The following MAP7 variants were observed in gnomAD, a reference collection of about 807,000 sequenced individuals.
The protein encoded by MAP7 is ensconsin.
A neutral mutation model predicts 94.8 loss-of-function variants in MAP7; 52 were observed. The observed-to-expected ratio is 0.55, with a 90% confidence interval of 0.44 to 0.69. MAP7 has a LOEUF of 0.69. Among genes scored for constraint, MAP7 ranks in the 30% least tolerant of loss-of-function variants. The probability of loss-of-function intolerance (pLI) is 0.00; values close to 1 mark genes in which losing one functional copy is unlikely to be tolerated. For missense variants in MAP7, 940 were observed against 964.6 expected (o/e 0.97, Z 0.34); for synonymous variants, 350 against 357.0 (o/e 0.98, Z 0.22).
intron 1 of MAP7, among the ~76,000 whole-genome samples, chr6:136,516,809 G>A (rs1824988493): frequency 6.6e-6 from 1 of 152,064 alleles, no homozygotes; most frequent in African/African-American, 2.4e-5. Context: ...AAATAAGCCT[G>A]CAAAAATAAG....
Position 136,377,843 on chromosome 6 carries a change from C to A in MAP7, c.663G>T (p.Trp221Cys). 1 of 1,613,988 alleles carries A rather than the reference C, an allele frequency of 6.2e-7. No homozygotes were observed. The highest frequency in any genetic ancestry group is 2.2e-5 in the East Asian group (1 of 44,868). The change falls in exon 7 of 18, where the codon TGG (tryptophan) becomes TGT (cysteine). Residue 221 changes from tryptophan (W) to cysteine (C), a missense_variant. By Grantham distance (215) the Trp-to-Cys change is radical (BLOSUM62 -2). Transcript: ENST00000354570. ...GGAGTCTGTTAACAACGCTGCTCTC[C>A]CATGGGCTGAGCTGCAGGCGGCGAG... The part of the protein sequence containing the change: ...DRARRLQLSP[W>C]ESSVVNRLLT...
chr6:136,436,843 G>C (rs1796502654), intron 1 of MAP7, among the ~76,000 whole-genome samples: 1 of 152,186 alleles, frequency 6.6e-6, no homozygotes, highest in Admixed American at 6.5e-5. Flanking sequence ...TCTTTCTATA[G>C]CTCACCAAAT....
intron 1 of MAP7, among the ~76,000 whole-genome samples, chr6:136,539,602 CA>C (rs1829149704): frequency 6.6e-6 from 1 of 152,134 alleles, no homozygotes; most frequent in South Asian, 2.1e-4. Context: ...ATCATGCTGC[CA>C]AAGGTAAGCC....
intron 1 of MAP7, among the ~76,000 whole-genome samples, chr6:136,493,474 A>G (rs2128994466): frequency 6.6e-6 from 1 of 152,130 alleles, no homozygotes; most frequent in East Asian, 1.9e-4. Context: ...CTGGAGTGCA[A>G]TGGCTTGAAC....
At chr6:136,488,743 G>A (rs1419380723) in intron 1 of MAP7, among the ~76,000 whole-genome samples, 3 of 151,844 alleles carry the variant, frequency 2.0e-5, no homozygotes, top group African/African-American at 7.3e-5. Flanking sequence ...ATGCCTGGCC[G>A]CTAGGTACTT....
At chr6:136,456,407 C>T (rs9494519) in intron 1 of MAP7, among the ~76,000 whole-genome samples, 112,580 of 151,932 alleles carry the variant, frequency 0.74, 42,967 homozygotes, top group Middle Eastern at 0.85. Flanking sequence ...CATGGTTGCT[C>T]ATGTCTGTAA....
chr6:136,415,300 C>T (rs1342515590), intron 2 of MAP7, among the ~76,000 whole-genome samples: 2 of 152,174 alleles, frequency 1.3e-5, no homozygotes, highest in African/African-American at 4.8e-5. Context: ...TTTGTAAAAG[C>T]CATATGAGCA....
intron 1 of MAP7, chr6:136,525,982 T>G: frequency 6.7e-7 from 1 of 1,491,310 alleles, no homozygotes; most frequent in Non-Finnish European, 8.8e-7. Context: ...CTACTTGTTT[T>G]TTTTTTTTTT....
chr6:136,473,225 C>T (rs1809642813), intron 1 of MAP7, among the ~76,000 whole-genome samples: 4 of 152,182 alleles, frequency 2.6e-5, no homozygotes, highest in Non-Finnish European at 5.9e-5. Context: ...ACCAAAAACA[C>T]ATTGATTAAC....
chr6:136,433,391 T>C (rs1382857309), intron 1 of MAP7, among the ~76,000 whole-genome samples: 2 of 152,100 alleles, frequency 1.3e-5, no homozygotes, highest in Non-Finnish European at 2.9e-5. Flanking sequence ...ATTTACCTTC[T>C]TCTGTCAGCA....
At chr6:136,431,478 T>A (rs6911334) in intron 1 of MAP7, among the ~76,000 whole-genome samples, 112,567 of 151,692 alleles carry the variant, frequency 0.74, 42,816 homozygotes, top group Middle Eastern at 0.85. Flanking sequence ...CCAATAAATA[T>A]CAACTTTTTA....
At chr6:136,473,567 A>G (rs1320604503) in intron 1 of MAP7, among the ~76,000 whole-genome samples, 1 of 152,230 alleles carries the variant, frequency 6.6e-6, no homozygotes, top group Non-Finnish European at 1.5e-5. Context: ...TGTTTCTAAA[A>G]TGCCTTTATT....
chr6:136,494,467 G>A (rs759738460), intron 1 of MAP7, among the ~76,000 whole-genome samples: 2 of 152,114 alleles, frequency 1.3e-5, no homozygotes, highest in Non-Finnish European at 2.9e-5. Context: ...AGAAATACTT[G>A]TGCAGAAAAA....
Position 136,366,009 on chromosome 6 carries a change from G to A in MAP7, c.999C>T (p.Ser333=). The A allele has an allele frequency of 6.2e-7, 1 of 1,608,466 alleles. No individual in the cohort carries two copies. ...QPARSRLWLP[S]KSLPHLPGTP... ...TGCCAGGCAAATGAGGAAGAGACTT[G>A]GACGGAAGCCTGGGCCACAAACAAA... The change falls in exon 10 of 18, where the codon TCC becomes TCT. Residue 333 remains serine, a synonymous_variant. Coordinates refer to ENST00000354570, the MANE Select transcript of MAP7 (RefSeq NM_003980.6).
In MAP7 at chr6:136,345,916, C is replaced by A. The variant is rs1445471214; in HGVS notation, c.2179G>T (p.Asp727Tyr). The A allele has an allele frequency of 6.2e-7, 1 of 1,614,036 alleles. No homozygotes were observed. Among genetic ancestry groups the A allele is most frequent in the African/African-American group, 1.3e-5 (1 of 74,902 alleles). The stretch of plus-strand genomic sequence containing the variant: ...GGCAGGGGCCCAAGTGTCCCTTCAT[C>A]ATCAAAGGCCAAAATTGGATTCAAA... ...IPLNPILAFDDEGTLGPLPQV... is the reference protein window; with the variant it reads ...IPLNPILAFDYEGTLGPLPQV... The change falls in exon 17 of 18, where the codon GAT becomes TAT. Residue 727 changes from aspartate (D) to tyrosine (Y), a missense_variant. Asp to Tyr is a radical substitution (Grantham distance 160). Coordinates refer to ENST00000354570, the MANE Select transcript of MAP7 (RefSeq NM_003980.6).
intron 3 of MAP7, among the ~76,000 whole-genome samples, chr6:136,406,964 A>G (rs1367173985): frequency 6.6e-6 from 1 of 152,278 alleles, no homozygotes; most frequent in African/African-American, 2.4e-5. Context: ...TTTTAAAAAT[A>G]AAGTAAGTGA....
At chr6:136,450,575 G>A (rs1285514554) in intron 1 of MAP7, among the ~76,000 whole-genome samples, 2 of 151,730 alleles carry the variant, frequency 1.3e-5, no homozygotes, top group African/African-American at 2.4e-5. Context: ...ACCTGAGGTC[G>A]GGAGTTCGAG....
At chr6:136,345,748 T>C (rs913640167) in intron 17 of MAP7, 108 bp downstream of exon 17, 7 of 958,304 alleles carry the variant, frequency 7.3e-6, no homozygotes, top group African/African-American at 1.6e-5. Flanking sequence ...CTTGGTCCTT[T>C]GAAGAACAAA....
At chr6:136,377,134 G>A (rs1041787581) in intron 7 of MAP7, among the ~76,000 whole-genome samples, 3 of 152,186 alleles carry the variant, frequency 2.0e-5, no homozygotes, top group Admixed American at 2.0e-4. Flanking sequence ...ATTCAGGTAT[G>A]TTTTGCATTT....
Sources: gnomAD v4.1 joint callset for allele counts (sites outside exome capture counted in the v4.1 genomes callset) on GRCh38, gnomAD v4.1.1 for gene constraint, MANE v1.5 for transcripts, NCBI Gene and HGNC (gene_info 2026-07-23, HGNC 2026-07-21) for gene names.